Variants in GABRR1 observed in about 807,000 individuals in gnomAD.
GABRR1 encodes the protein gamma-aminobutyric acid type A receptor subunit rho1, also known as gamma-aminobutyric acid receptor subunit rho-1.
In GABRR1, 59 loss-of-function variants were observed where a neutral mutation model predicts 55.5. The observed-to-expected ratio is 1.06, with a 90% CI of 0.86 to 1.32. The LOEUF is 1.32. Ranked by LOEUF, GABRR1 falls within the 40% of genes most tolerant of loss-of-function variation. The pLI is 0.00. For synonymous variants in GABRR1, 213 were observed against 226.0 expected, an observed-to-expected ratio of 0.94 and a Z score of 0.51; for missense variants, 602 against 619.1, an observed-to-expected ratio of 0.97 and a Z score of 0.29.
chr6:89,180,699 G>A (rs35577195), intron 8 of GABRR1, among the ~76,000 whole-genome samples: 6,738 of 151,846 alleles, frequency 0.044, 223 homozygotes, highest in Non-Finnish European at 0.069. Context: ...CTACCCTTTC[G>A]CCCCTCTGCA....
intron 1 of GABRR1, among the ~76,000 whole-genome samples, chr6:89,209,061 C>T (rs1772740692): frequency 6.6e-6 from 1 of 152,176 alleles, no homozygotes; most frequent in South Asian, 2.1e-4. Context: ...CTGCTACTGC[C>T]TTGCCACAGA....
chr6:89,211,612 CCTT>C (rs1772836782), intron 1 of GABRR1, among the ~76,000 whole-genome samples: 1 of 152,134 alleles, frequency 6.6e-6, no homozygotes, highest in Non-Finnish European at 1.5e-5. Context: ...ACCACTCCCT[CCTT>C]CTTAAAACCC....
intron 5 of GABRR1, among the ~76,000 whole-genome samples, chr6:89,197,597 G>T (rs544726808): frequency 1.3e-5 from 2 of 152,360 alleles, no homozygotes; most frequent in South Asian, 4.1e-4. Flanking sequence ...AGTTTCTCAA[G>T]TAGGACACTA....
At chr6:89,211,678 C>T (rs1420632029) in intron 1 of GABRR1, among the ~76,000 whole-genome samples, 3 of 152,156 alleles carry the variant, frequency 2.0e-5, no homozygotes, top group Non-Finnish European at 4.4e-5. Context: ...ATGGCACAGC[C>T]TGCATCTCAT....
At chr6:89,180,208 C>A in intron 9 of GABRR1, 84 bp downstream of exon 9, 1 of 1,447,710 alleles carries the variant, frequency 6.9e-7, no homozygotes, top group Non-Finnish European at 9.3e-7. Context: ...CCTTGCTTTA[C>A]AGAGAAGGTC....
intron 5 of GABRR1, 54 bp from the exon 6 acceptor site, chr6:89,190,301 AAAATGAT>A (rs1385514178): frequency 7.7e-7 from 1 of 1,305,826 alleles, no homozygotes; most frequent in Non-Finnish European, 1.1e-6. Context: ...AGACGAGTGC[AAAATGAT>A]AAATGGAAAA....
intron 1 of GABRR1, among the ~76,000 whole-genome samples, chr6:89,214,430 A>T (rs1302809935): frequency 6.6e-6 from 1 of 151,958 alleles, no homozygotes; most frequent in Non-Finnish European, 1.5e-5. Context: ...GCTTCTGCAC[A>T]GCAGAATAAA....
chr6:89,227,137 G>T (rs1286608621), intron 1 of GABRR1, among the ~76,000 whole-genome samples: 1 of 113,330 alleles, frequency 8.8e-6, no homozygotes, highest in Non-Finnish European at 1.8e-5. Flanking sequence ...CTTTGCTGAA[G>T]TTGCTTATCA....
chr6:89,215,296 G>A (rs900564224), intron 1 of GABRR1, among the ~76,000 whole-genome samples: 1 of 152,202 alleles, frequency 6.6e-6, no homozygotes. Flanking sequence ...CAACCTAAGT[G>A]TCCATCAATG....
rs1772891218 is a variant in GABRR1, at chr6:89,213,559, A to G, written c.122+3642T>C. Among the ~76,000 whole-genome samples, 4 of 152,264 alleles carry G rather than the reference A, an allele frequency of 2.6e-5. No homozygotes were observed. The South Asian group carries it at 8.3e-4, about 32-fold the overall frequency. ...TTATATACAAAGATGTAAATACAGA[A>G]GATTTGTAATAACAAAGAGGAAGCA... On this transcript the variant is annotated intron_variant, in intron 1 of 9. Transcript: ENST00000454853.
intron 3 of GABRR1, 102 bp downstream of exon 3, chr6:89,201,057 C>A: frequency 2.5e-6 from 2 of 799,544 alleles, no homozygotes; most frequent in Non-Finnish European, 4.2e-6. Context: ...TGAGGCAGAC[C>A]GGGTCAGCGG....
chr6:89,189,673 AAAG>A (rs1224472872), intron 6 of GABRR1, among the ~76,000 whole-genome samples: 1 of 152,152 alleles, frequency 6.6e-6, no homozygotes, highest in Non-Finnish European at 1.5e-5. Context: ...AAAAAAAAAA[AAAG>A]ATCAGTTATG....
intron 5 of GABRR1, 49 bp downstream of exon 5, chr6:89,197,971 A>T (rs1251566992): frequency 1.9e-6 from 3 of 1,544,110 alleles, no homozygotes; most frequent in Non-Finnish European, 2.7e-6. Flanking sequence ...TGCTGTTGTG[A>T]AACCAATGCT....
intron 7 of GABRR1, 54 bp downstream of exon 7, chr6:89,185,256 C>G: frequency 1.2e-6 from 2 of 1,611,172 alleles, no homozygotes; most frequent in South Asian, 1.1e-5. Flanking sequence ...GAGGGTGAAC[C>G]TTGGAGACCA....
chr6:89,196,881 G>GAAAGAAAAGAGAAGAAAAAAGAAAAGAA (rs57085890), intron 5 of GABRR1, among the ~76,000 whole-genome samples: 1 of 95,230 alleles, frequency 1.1e-5, no homozygotes, highest in Non-Finnish European at 2.3e-5. Flanking sequence ...GAAAGAAAGA[G>GAAAGAAAAGAGAAGAAAAAAGAAAAGAA]AAGAGAAGAA....
rs745803397 is a variant in GABRR1, at chr6:89,179,085, T to C, written c.1147-22A>G. 3.7e-6 allele frequency: 6 copies of C among 1,607,240 alleles called. No homozygotes were observed. In the Admixed American group the frequency reaches 6.7e-5, roughly 18 times the overall value. ...GAAGCTGCAAACAGTAAACACATGT[T>C]GGGGTGTGAGCTCAGCATCATCTCT... On this transcript the variant is annotated intron_variant, in intron 9 of 9. Transcript: ENST00000454853.
intron 1 of GABRR1, chr6:89,205,854 G>A (rs1772622945): frequency 6.6e-6 from 1 of 152,130 alleles, no homozygotes; most frequent in Admixed American, 6.6e-5. Context: ...CTTGTATGTA[G>A]TGCAAAACAC....
intron 1 of GABRR1, 152 bp downstream of exon 1, chr6:89,217,049 G>C (rs1447694319): frequency 1.5e-6 from 1 of 685,994 alleles, no homozygotes; most frequent in Non-Finnish European, 2.4e-6. Context: ...TTCTAAAAGG[G>C]GAGCAGCAGG....
At chr6:89,210,004 C>G (rs1772773569) in intron 1 of GABRR1, among the ~76,000 whole-genome samples, 1 of 151,982 alleles carries the variant, frequency 6.6e-6, no homozygotes, top group Non-Finnish European at 1.5e-5. Context: ...ATATAACTTT[C>G]TTTTGTTTTC....
Sources: gnomAD v4.1 joint callset for allele counts (sites outside exome capture counted in the v4.1 genomes callset) on GRCh38, gnomAD v4.1.1 for gene constraint, MANE v1.5 for transcripts, NCBI Gene and HGNC (gene_info 2026-07-23, HGNC 2026-07-21) for gene names.